MPP7: variants seen among roughly 807,000 people sequenced by gnomAD.
MPP7 encodes the protein MAGUK p55 scaffold protein 7.
Under a neutral mutation model 76.5 loss-of-function variants are expected in MPP7, and 60 were observed. That is an observed-to-expected ratio of 0.78 (90% confidence interval 0.64 to 0.97). The LOEUF is 0.97. MPP7 is among the 50% of genes least tolerant of loss of function. The pLI is 0.00. For missense variants in MPP7, 641 were observed against 694.0 expected, an observed-to-expected ratio of 0.92 and a Z score of 0.86; for synonymous variants, 237 against 244.5, an observed-to-expected ratio of 0.97 and a Z score of 0.29.
chr10:28,306,730 A>C (rs1841260350), upstream of MPP7, among the ~76,000 whole-genome samples: 1 of 152,096 alleles, frequency 6.6e-6, no homozygotes, highest in African/African-American at 2.4e-5. Flanking sequence ...GATAATAGAT[A>C]GTTGATAGAT....
chr10:28,193,931 C>T (rs775922790), intron 3 of MPP7, among the ~76,000 whole-genome samples: 1 of 151,480 alleles, frequency 6.6e-6, no homozygotes, highest in Non-Finnish European at 1.5e-5. Flanking sequence ...TATAGAGCTA[C>T]AGGGACTCTC....
chr10:28,268,692 A>ACCACTGCACT (rs980853972), intron 1 of MPP7, among the ~76,000 whole-genome samples: 6 of 150,978 alleles, frequency 4.0e-5, no homozygotes, highest in Admixed American at 2.0e-4. Context: ...CCGAGAATGC[A>ACCACTGCACT]CCACTGCACT....
intron 3 of MPP7, among the ~76,000 whole-genome samples, chr10:28,167,436 T>C (rs906105305): frequency 6.6e-6 from 1 of 151,998 alleles, no homozygotes; most frequent in African/African-American, 2.4e-5. Flanking sequence ...CACGGGGACA[T>C]AAAGATGGGA....
chr10:28,200,606 C>T, intron 3 of MPP7, among the ~76,000 whole-genome samples: 1 of 152,176 alleles, frequency 6.6e-6, no homozygotes. Flanking sequence ...TAACAACCAT[C>T]TCTGTAGTTC....
intron 2 of MPP7, among the ~76,000 whole-genome samples, chr10:28,313,831 T>C (rs1841303885): frequency 6.7e-6 from 1 of 149,244 alleles, no homozygotes; most frequent in African/African-American, 2.5e-5. Flanking sequence ...GGACTGCAGG[T>C]GTGTGCCACT....
chr10:28,100,039 A>C (rs1259614074), intron 11 of MPP7, among the ~76,000 whole-genome samples: 2 of 151,574 alleles, frequency 1.3e-5, no homozygotes, highest in Admixed American at 1.3e-4. Flanking sequence ...TCATTTGACC[A>C]AGCAAATATT....
At chr10:28,280,443 T>C (rs758781177) in intron 1 of MPP7, among the ~76,000 whole-genome samples, 10 of 152,076 alleles carry the variant, frequency 6.6e-5, no homozygotes, top group Non-Finnish European at 1.0e-4. Context: ...AAAAAAAGCC[T>C]GGACATATTC....
At chr10:28,328,928 C>T (rs894635198) in intron 2 of MPP7, among the ~76,000 whole-genome samples, 5 of 152,106 alleles carry the variant, frequency 3.3e-5, no homozygotes, top group Non-Finnish European at 7.4e-5. Flanking sequence ...TTTTATGTTG[C>T]CACACTGTTT....
intron 11 of MPP7, chr10:28,119,000 A>G (rs904558280): frequency 1.2e-5 from 12 of 985,390 alleles, no homozygotes; most frequent in Non-Finnish European, 1.3e-5. Context: ...CAGGGAATTT[A>G]TGGGATGCAG....
chr10:28,236,212 CA>C (rs1358056115), intron 2 of MPP7, among the ~76,000 whole-genome samples: 4 of 152,082 alleles, frequency 2.6e-5, no homozygotes, highest in Admixed American at 6.6e-5. Context: ...TCTTCCCTTC[CA>C]AAATATTTAC....
chr10:28,290,132 C>G (rs150605880), intron 1 of MPP7, among the ~76,000 whole-genome samples: 4 of 152,188 alleles, frequency 2.6e-5, no homozygotes, highest in Admixed American at 2.0e-4. Flanking sequence ...CCATTGATTT[C>G]TAATGCTATT....
At position 28,130,540 on chromosome 10, in the gene MPP7, G is replaced by T. The variant is rs115941209; in HGVS notation, c.447+1020C>A. 6.1e-3 allele frequency among the ~76,000 whole-genome samples: 928 copies of T among 152,264 alleles called. 2 individuals carry two copies. The highest frequency in any genetic ancestry group is 0.021 in the African/African-American group (886 of 41,566). ...CCAAGCATTTCCTGACCATCCACTT[G>T]CTAGAATTTTATTTCAGCTTAGCTT... On this transcript the variant is annotated intron_variant, in intron 6 of 16. Coordinates refer to ENST00000683449, the MANE Select transcript of MPP7 (RefSeq NM_001318170.2).
chr10:28,125,145 A>C, intron 6 of MPP7, 54 bp from the exon 7 acceptor site: 1 of 1,427,556 alleles, frequency 7.0e-7, no homozygotes, highest in South Asian at 1.2e-5. Flanking sequence ...ACTAGGTGTT[A>C]GAAAAGGAGG....
intron 12 of MPP7, among the ~76,000 whole-genome samples, chr10:28,082,305 T>C (rs563357874): frequency 1.3e-5 from 2 of 152,336 alleles, no homozygotes; most frequent in East Asian, 3.9e-4. Flanking sequence ...TCAAAACCAG[T>C]AGAAGCCTAC....
intron 1 of MPP7, among the ~76,000 whole-genome samples, chr10:28,276,815 G>A (rs965573298): frequency 6.6e-6 from 1 of 152,062 alleles, no homozygotes; most frequent in African/African-American, 2.4e-5. Flanking sequence ...TGGGTAAAGG[G>A]ATTAAGACTT....
At chr10:28,161,984 GA>G (rs1488351676) in intron 3 of MPP7, among the ~76,000 whole-genome samples, 3 of 152,144 alleles carry the variant, frequency 2.0e-5, no homozygotes, top group Admixed American at 6.5e-5. Context: ...TACACACCCA[GA>G]AAATCCAAGT....
intron 1 of MPP7, among the ~76,000 whole-genome samples, chr10:28,240,733 A>C (rs1839240598): frequency 6.6e-6 from 1 of 152,162 alleles, no homozygotes; most frequent in African/African-American, 2.4e-5. Flanking sequence ...GATGAATTCA[A>C]CTACAGGAAA....
At chr10:28,293,064 G>A (rs1840958361) in intron 1 of MPP7, among the ~76,000 whole-genome samples, 1 of 148,530 alleles carries the variant, frequency 6.7e-6, no homozygotes, top group Non-Finnish European at 1.5e-5. Context: ...AAAAAAGGTT[G>A]GATCATAACA....
In MPP7 at chr10:28,066,388, A is replaced by G. The variant is rs535897209; in HGVS notation, c.1204+3384T>C. Reference sequence around the variant, plus strand: ...TACCTGATTTAGCATCCATTTAAATAATGTTTTTAAATTAAAGTAATTACA... The same window carrying G: ...TACCTGATTTAGCATCCATTTAAATGATGTTTTTAAATTAAAGTAATTACA... On this transcript the variant is annotated intron_variant, in intron 13 of 16. Transcript: ENST00000683449. Among the ~76,000 whole-genome samples the G allele has an allele frequency of 3.3e-5, 5 of 152,316 alleles. No individual in the cohort carries two copies. In the South Asian group the frequency reaches 1.0e-3, roughly 32 times the overall value.
Sources: gnomAD v4.1 joint callset for allele counts (sites outside exome capture counted in the v4.1 genomes callset) on GRCh38, gnomAD v4.1.1 for gene constraint, MANE v1.5 for transcripts, NCBI Gene and HGNC (gene_info 2026-07-23, HGNC 2026-07-21) for gene names.